RGS7: variants seen among roughly 807,000 people sequenced by gnomAD.
RGS7 encodes the protein regulator of G protein signaling 7.
A neutral mutation model predicts 81.1 loss-of-function variants in RGS7; 27 were observed. The ratio of observed to expected loss-of-function variants is 0.33; its 90% confidence interval spans 0.25 to 0.46. The LOEUF (loss-of-function observed/expected upper bound fraction) is 0.46, where lower values mean the gene tolerates loss of function less well. Ranked by LOEUF, RGS7 falls within the 20% of genes least tolerant of loss-of-function variation. RGS7 has a pLI of 1.00. For missense variants in RGS7, 396 were observed against 607.4 expected, an observed-to-expected ratio of 0.65 and a Z score of 3.66; for synonymous variants, 208 against 207.7, an observed-to-expected ratio of 1.00 and a Z score of -0.01.
chr1:241,061,991 G>T lies in RGS7; in HGVS notation c.175+36675C>A, dbSNP rs114525582. Among the ~76,000 whole-genome samples, 1,430 of 152,222 alleles carry T rather than the reference G, an allele frequency of 9.4e-3. 23 individuals are homozygous for T. The highest frequency in any genetic ancestry group is 0.032 in the African/African-American group (1,349 of 41,534). ...TATTCCATTCCAATAAGGCTAATTT[G>T]CTCATGGTTTCTATTTTTGTTTTTC... On this transcript the variant is annotated intron_variant, in intron 3 of 18. Coordinates refer to ENST00000440928, the MANE Select transcript of RGS7 (RefSeq NM_001364886.1).
chr1:241,033,346 A>G (rs1036797444), intron 3 of RGS7, among the ~76,000 whole-genome samples: 1 of 152,108 alleles, frequency 6.6e-6, no homozygotes, highest in African/African-American at 2.4e-5. Context: ...GCGAGAGTCC[A>G]TCTAAAAAAA....
intron 3 of RGS7, among the ~76,000 whole-genome samples, chr1:241,089,120 G>A (rs1019597732): frequency 1.5e-5 from 2 of 130,472 alleles, no homozygotes; most frequent in African/African-American, 6.2e-5. Context: ...TAAGGTGAGT[G>A]GGTCTCAACT....
At chr1:241,134,597 G>A (rs1215393307) in intron 2 of RGS7, among the ~76,000 whole-genome samples, 1 of 152,138 alleles carries the variant, frequency 6.6e-6, no homozygotes, top group Non-Finnish European at 1.5e-5. Flanking sequence ...CCACACCTAC[G>A]CCATAGAAGC....
At position 241,234,124 on chromosome 1, in the gene RGS7, C is replaced by T. The variant is rs114103959; in HGVS notation, c.78+121575G>A. 4.4e-3 allele frequency among the ~76,000 whole-genome samples: 672 copies of T among 152,306 alleles called. 4 individuals carry two copies. The highest frequency in any genetic ancestry group is 7.4e-3 in the Non-Finnish European group (505 of 68,028). On this transcript the variant is annotated intron_variant, in intron 2 of 18. Transcript: ENST00000440928. ...TCCCGTTTTCTCTCTACTTGCGCTA[C>T]GCTGCATACACTGGGGAACGCATGT...
chr1:240,956,705 T>C (rs930006451), intron 4 of RGS7, among the ~76,000 whole-genome samples: 1 of 152,180 alleles, frequency 6.6e-6, no homozygotes, highest in Non-Finnish European at 1.5e-5. Context: ...CTAAAAAGCC[T>C]ATGGAGTGTA....
At chr1:241,212,155 C>T (rs1312470786) in intron 2 of RGS7, among the ~76,000 whole-genome samples, 1 of 151,758 alleles carries the variant, frequency 6.6e-6, no homozygotes, top group African/African-American at 2.4e-5. Flanking sequence ...TAATTGAATA[C>T]ATGTACTAAT....
chr1:241,214,181 GCATT>G (rs1393707263), intron 2 of RGS7, among the ~76,000 whole-genome samples: 2 of 151,892 alleles, frequency 1.3e-5, no homozygotes, highest in East Asian at 3.9e-4. Flanking sequence ...CCCTCCTTGA[GCATT>G]TCTCATGTTA....
intron 1 of RGS7, among the ~76,000 whole-genome samples, chr1:241,356,039 C>T (rs2083541896): frequency 6.6e-6 from 1 of 152,284 alleles, no homozygotes; most frequent in Admixed American, 6.5e-5. Context: ...GTAGAAATAG[C>T]CATTTGGTTA....
chr1:241,191,032 A>G (rs1173376069), intron 2 of RGS7, among the ~76,000 whole-genome samples: 1 of 151,152 alleles, frequency 6.6e-6, no homozygotes, highest in Non-Finnish European at 1.5e-5. Context: ...GCCAGGCTGG[A>G]GTGCAGTGGT....
At chr1:241,274,387 C>T (rs1057473326) in intron 2 of RGS7, among the ~76,000 whole-genome samples, 2 of 152,066 alleles carry the variant, frequency 1.3e-5, no homozygotes, top group African/African-American at 4.8e-5. Context: ...CCTAAATATG[C>T]CCAGAATTTT....
chr1:241,042,173 C>CAT (rs1302935872), intron 3 of RGS7, among the ~76,000 whole-genome samples: 1 of 152,168 alleles, frequency 6.6e-6, no homozygotes, highest in Non-Finnish European at 1.5e-5. Flanking sequence ...GGGCGCTGTA[C>CAT]ATATGTATCA....
intron 2 of RGS7, among the ~76,000 whole-genome samples, chr1:241,261,098 AAAAC>A (rs1278222034): frequency 4.6e-5 from 7 of 152,052 alleles, no homozygotes; most frequent in African/African-American, 7.3e-5. Flanking sequence ...AAAACAAAAC[AAAAC>A]AAACAAAAAA....
At chr1:240,872,915 A>G (rs1050822902) in intron 6 of RGS7, among the ~76,000 whole-genome samples, 1 of 152,012 alleles carries the variant, frequency 6.6e-6, no homozygotes, top group South Asian at 2.1e-4. Flanking sequence ...CGTCTCTACT[A>G]AAAATACAAA....
At position 241,282,848 on chromosome 1, in the gene RGS7, C is replaced by T. The variant is rs184258289; in HGVS notation, c.78+72851G>A. Among the ~76,000 whole-genome samples, 672 of 152,234 alleles carry T rather than the reference C, an allele frequency of 4.4e-3. 3 individuals are homozygous for T. The highest frequency in any genetic ancestry group is 0.011 in the Admixed American group (171 of 15,290). The stretch of plus-strand genomic sequence containing the variant: ...CACGAGCTTTTTCCTCTTTAGCTTT[C>T]TAAACAACTCCTTTGTTTCCTTTAA... On this transcript the variant is annotated intron_variant, in intron 2 of 18. Transcript: ENST00000440928.
rs566216038 is a variant in RGS7, at chr1:241,126,163, A to G, written c.79-27401T>C. 3.3e-5 allele frequency among the ~76,000 whole-genome samples: 5 copies of G among 151,550 alleles called. No homozygotes were observed. The South Asian group carries it at 6.3e-4, about 19-fold the overall frequency. On this transcript the variant is annotated intron_variant, in intron 2 of 18. Transcript: ENST00000440928. ...TTATTTATTTATTATTATTATTATT[A>G]TTTTGAGGCAGAGTTTCGCTCTTGT...
At chr1:241,034,352 C>T (rs890832990) in intron 3 of RGS7, among the ~76,000 whole-genome samples, 1 of 152,298 alleles carries the variant, frequency 6.6e-6, no homozygotes, top group Middle Eastern at 3.4e-3. Flanking sequence ...ATCTTTAGAC[C>T]TTTACTGAAG....
At chr1:241,068,438 A>G (rs1360375866) in intron 3 of RGS7, among the ~76,000 whole-genome samples, 1 of 151,558 alleles carries the variant, frequency 6.6e-6, no homozygotes, top group Admixed American at 6.6e-5. Context: ...ATCTTCTATC[A>G]GCAGTCAGGT....
At chr1:241,287,266 T>A (rs4660061) in intron 2 of RGS7, among the ~76,000 whole-genome samples, 57,368 of 152,022 alleles carry the variant, frequency 0.38, 12,061 homozygotes, top group East Asian at 0.54. Context: ...CCCACCCAAA[T>A]CTCATCTTGA....
At chr1:241,277,357 C>T (rs2078247892) in intron 2 of RGS7, among the ~76,000 whole-genome samples, 1 of 152,154 alleles carries the variant, frequency 6.6e-6, no homozygotes, top group South Asian at 2.1e-4. Flanking sequence ...TGGTGGCTCA[C>T]GCCTGTAATC....
Sources: allele counts gnomAD v4.1 joint callset (sites outside exome capture counted in the v4.1 genomes callset), GRCh38; gene constraint gnomAD v4.1.1; transcripts MANE v1.5; gene names NCBI Gene and HGNC (gene_info 2026-07-23, HGNC 2026-07-21).